Variants in GLIS3 observed in about 807,000 individuals in gnomAD.
GLIS3 encodes zinc finger protein GLIS3.
GLIS3 carries 53 observed loss-of-function variants against 78.6 expected under a neutral mutation model. That is an observed-to-expected ratio of 0.67 (90% CI 0.54 to 0.85). The LOEUF (loss-of-function observed/expected upper bound fraction) is 0.85, where lower values mean the gene tolerates loss of function less well. GLIS3 is among the 40% of genes least tolerant of loss of function. The pLI is 0.00. For missense variants in GLIS3, 1,703 were observed against 1,231.1 expected (o/e 1.38, Z -5.74); for synonymous variants, 684 against 509.9 (o/e 1.34, Z -4.60).
chr9:4,319,862 A>G (rs1434344482), intron 2 of GLIS3, among the ~76,000 whole-genome samples: 3 of 152,200 alleles, frequency 2.0e-5, no homozygotes, highest in Non-Finnish European at 4.4e-5. Flanking sequence ...GATCAGTAAT[A>G]TGAGTAAACT....
intron 2 of GLIS3, among the ~76,000 whole-genome samples, chr9:4,145,786 C>G (rs947929083): frequency 6.6e-6 from 1 of 151,950 alleles, no homozygotes; most frequent in African/African-American, 2.4e-5. Context: ...CTCCCTCTCT[C>G]TCCTTTAGTA....
chr9:4,207,132 G>C (rs1350578620), intron 2 of GLIS3, among the ~76,000 whole-genome samples: 1 of 152,152 alleles, frequency 6.6e-6, no homozygotes, highest in Non-Finnish European at 1.5e-5. Context: ...ATGGTATGTG[G>C]AGAATAATCC....
chr9:4,158,246 A>G (rs559837408), intron 2 of GLIS3, among the ~76,000 whole-genome samples: 1 of 152,108 alleles, frequency 6.6e-6, no homozygotes, highest in Non-Finnish European at 1.5e-5. Context: ...TCTTTATTGG[A>G]AAGACGAGCT....
At chr9:4,258,542 A>G (rs1825203230) in intron 2 of GLIS3, among the ~76,000 whole-genome samples, 1 of 152,206 alleles carries the variant, frequency 6.6e-6, no homozygotes, top group South Asian at 2.1e-4. Context: ...CCTGAAAGAA[A>G]AAGTTACTTT....
intron 4 of GLIS3, among the ~76,000 whole-genome samples, chr9:4,082,869 C>T (rs950489736): frequency 6.6e-6 from 1 of 152,124 alleles, no homozygotes; most frequent in Non-Finnish European, 1.5e-5. Flanking sequence ...GTACCATTTC[C>T]CATACATATT....
At chr9:4,155,807 G>C (rs1470114894) in intron 2 of GLIS3, among the ~76,000 whole-genome samples, 1 of 152,080 alleles carries the variant, frequency 6.6e-6, no homozygotes, top group South Asian at 2.1e-4. Context: ...TGTACGGTGG[G>C]ACCTGAGATT....
intron 2 of GLIS3, among the ~76,000 whole-genome samples, chr9:4,314,988 T>C (rs1242433573): frequency 6.6e-6 from 1 of 152,212 alleles, no homozygotes; most frequent in East Asian, 1.9e-4. Context: ...GCCAAGACCA[T>C]AGCTTGTGAA....
the GLIS3 span, among the ~76,000 whole-genome samples, chr9:4,486,656 C>A: frequency 6.6e-6 from 1 of 152,146 alleles, no homozygotes; most frequent in Non-Finnish European, 1.5e-5. Context: ...GATTTTGAAG[C>A]AAACCTTCAG....
chr9:4,123,531 C>G (rs1330375495), intron 3 of GLIS3, among the ~76,000 whole-genome samples: 2 of 152,028 alleles, frequency 1.3e-5, no homozygotes, highest in Admixed American at 1.3e-4. Flanking sequence ...TAACAAAAGA[C>G]TAATTTTTAA....
chr9:4,487,277 G>C, the GLIS3 span, among the ~76,000 whole-genome samples: 2 of 152,126 alleles, frequency 1.3e-5, no homozygotes, highest in Non-Finnish European at 2.9e-5. Flanking sequence ...TTAAAAGATG[G>C]TGTTAAGAGA....
chr9:4,069,273 G>A (rs762695566), intron 4 of GLIS3, among the ~76,000 whole-genome samples: 4 of 152,136 alleles, frequency 2.6e-5, no homozygotes, highest in Non-Finnish European at 5.9e-5. Flanking sequence ...GCTCTTCTGG[G>A]TCTCCTTCAG....
chr9:3,903,478 A>G (rs1052758233), intron 6 of GLIS3, among the ~76,000 whole-genome samples: 2 of 152,194 alleles, frequency 1.3e-5, no homozygotes, highest in South Asian at 2.1e-4. Context: ...CTTTGTTCAC[A>G]TTGTAATCTA....
At chr9:4,483,765 T>G in the GLIS3 span, among the ~76,000 whole-genome samples, 3 of 150,282 alleles carry the variant, frequency 2.0e-5, no homozygotes, top group African/African-American at 7.4e-5. Flanking sequence ...AGTGCACAAA[T>G]TCTAGAGCCA....
intron 6 of GLIS3, among the ~76,000 whole-genome samples, chr9:3,912,934 A>G (rs1824248964): frequency 6.6e-6 from 1 of 152,240 alleles, no homozygotes; most frequent in African/African-American, 2.4e-5. Flanking sequence ...ACACTGGTTC[A>G]TTGCACTAAT....
intron 4 of GLIS3, among the ~76,000 whole-genome samples, chr9:4,094,315 T>C (rs1829770025): frequency 6.6e-6 from 1 of 152,224 alleles, no homozygotes; most frequent in African/African-American, 2.4e-5. Flanking sequence ...ATTGACATGC[T>C]CATATGTGGC....
intron 4 of GLIS3, among the ~76,000 whole-genome samples, chr9:4,009,494 C>T (rs1821824496): frequency 6.6e-6 from 1 of 152,128 alleles, no homozygotes; most frequent in Non-Finnish European, 1.5e-5. Flanking sequence ...CATAACTTCC[C>T]ACCAGAGAGC....
the GLIS3 span, among the ~76,000 whole-genome samples, chr9:4,472,308 A>G: frequency 2.0e-5 from 3 of 152,102 alleles, no homozygotes; most frequent in African/African-American, 4.8e-5. Context: ...ACATGCACAC[A>G]TATGTTTATT....
At chr9:4,167,396 T>A (rs1411595417) in intron 2 of GLIS3, among the ~76,000 whole-genome samples, 2 of 152,144 alleles carry the variant, frequency 1.3e-5, no homozygotes, top group African/African-American at 4.8e-5. Flanking sequence ...AAAATAAATA[T>A]ATTAAGCCAC....
intron 4 of GLIS3, among the ~76,000 whole-genome samples, chr9:4,033,083 G>C (rs975707853): frequency 2.6e-5 from 4 of 151,998 alleles, no homozygotes; most frequent in Admixed American, 6.6e-5. Flanking sequence ...TTGATCTCTT[G>C]ACCTTGTGAT....
Sources: gnomAD v4.1 joint callset for allele counts (sites outside exome capture counted in the v4.1 genomes callset) on GRCh38, gnomAD v4.1.1 for gene constraint, MANE v1.5 for transcripts, NCBI Gene and HGNC (gene_info 2026-07-23, HGNC 2026-07-21) for gene names.